ICAM2: variants seen among roughly 807,000 people sequenced by gnomAD.
ICAM2 encodes intercellular adhesion molecule 2, also known as ICAM-2.
A neutral mutation model predicts 19.1 loss-of-function variants in ICAM2; 14 were observed. The ratio of observed to expected loss-of-function variants is 0.73; its 90% CI spans 0.48 to 1.15. The LOEUF is 1.15. ICAM2 is among the 50% of genes most tolerant of loss of function. ICAM2 has a pLI of 0.00. For synonymous variants in ICAM2, 153 were observed against 152.7 expected (o/e 1.00, Z -0.01); for missense variants, 311 against 355.4 (o/e 0.88, Z 1.00).
intron 1 of ICAM2, among the ~76,000 whole-genome samples, chr17:64,018,333 C>CAAAAAA (rs376250303): frequency 3.8e-5 from 2 of 52,718 alleles, no homozygotes; most frequent in Admixed American, 3.1e-4. Flanking sequence ...GACTCTATCT[C>CAAAAAA]AAAAAAAAAA....
chr17:64,014,111 G>A (rs1369446761), intron 1 of ICAM2, among the ~76,000 whole-genome samples: 2 of 151,990 alleles, frequency 1.3e-5, no homozygotes, highest in Non-Finnish European at 2.9e-5. Context: ...AAAATATCAT[G>A]TTAAAATTTC....
At chr17:64,017,431 T>C (rs1423165904) in intron 1 of ICAM2, among the ~76,000 whole-genome samples, 1 of 152,188 alleles carries the variant, frequency 6.6e-6, no homozygotes. Context: ...TATAATACTT[T>C]ATTGAAAAAT....
chr17:64,016,241 T>A (rs1266989426), intron 1 of ICAM2, among the ~76,000 whole-genome samples: 1 of 152,168 alleles, frequency 6.6e-6, no homozygotes, highest in Non-Finnish European at 1.5e-5. Context: ...TATCTCAGGT[T>A]TGCAAGGATG....
At chr17:64,016,523 G>A (rs1911722230) in intron 1 of ICAM2, among the ~76,000 whole-genome samples, 1 of 152,198 alleles carries the variant, frequency 6.6e-6, no homozygotes, top group Admixed American at 6.6e-5. Context: ...CAGAAGTGTG[G>A]GAGAGTTAAG....
intron 1 of ICAM2, among the ~76,000 whole-genome samples, chr17:64,009,243 G>C (rs1911344670): frequency 6.6e-6 from 1 of 151,946 alleles, no homozygotes; most frequent in Non-Finnish European, 1.5e-5. Flanking sequence ...GAATGAGAGA[G>C]TTTGTCCTAA....
intron 1 of ICAM2, among the ~76,000 whole-genome samples, chr17:64,009,952 C>G (rs1911381692): frequency 6.6e-6 from 1 of 152,130 alleles, no homozygotes; most frequent in Non-Finnish European, 1.5e-5. Context: ...CCTGAAGGAC[C>G]CCAAGAGGAG....
Position 64,002,615 on chromosome 17 carries a change from C to T in ICAM2, c.*132G>A, listed in dbSNP as rs900729441. The T allele has an allele frequency of 2.7e-5, 21 of 781,094 alleles. No individual in the cohort carries two copies. Among genetic ancestry groups the T allele is most frequent in the South Asian group, 1.0e-4 (6 of 57,540 alleles). The allele number at this position is 781,094 out of a possible 1,614,324, so 48.4% of individuals were successfully genotyped here. A position where few individuals can be genotyped will look rare whatever the true frequency, so the allele number is the denominator to read the frequency against. On this transcript the variant is annotated 3_prime_UTR_variant, in exon 5 of 5. Coordinates refer to ENST00000579788, the MANE Select transcript of ICAM2 (RefSeq NM_001099789.2). ...AGGGCTAAGTCCAGGTGTTTGTATT[C>T]GGGCTAGAAAAGGCAATGTCCCAAG... is the stretch of plus-strand genomic sequence containing the variant.
At position 64,014,410 on chromosome 17, in the gene ICAM2, A is replaced by G. The variant is rs1221318865; in HGVS notation, c.-45+6113T>C. Among the ~76,000 whole-genome samples the G allele has an allele frequency of 3.7e-4, 42 of 113,786 alleles. 1 individual carries two copies. In the East Asian group the frequency reaches 9.3e-3, roughly 25 times the overall value. The allele number at this position is 113,786 out of a possible 152,430, so 74.6% of individuals were successfully genotyped here. On this transcript the variant is annotated intron_variant, in intron 1 of 4. Coordinates refer to ENST00000579788, the MANE Select transcript of ICAM2 (RefSeq NM_001099789.2). ...AAGGAAGGAAGGAAGGAAGGAAGAG[A>G]AAGAGAAAGAAAGGAAGGAAGGAAG... is the stretch of plus-strand genomic sequence containing the variant.
chr17:64,019,408 A>AATAC (rs1312967407), intron 1 of ICAM2, among the ~76,000 whole-genome samples: 3 of 151,760 alleles, frequency 2.0e-5, no homozygotes, highest in Non-Finnish European at 4.4e-5. Context: ...TAAATAAATA[A>AATAC]ATAAATAAAT....
intron 1 of ICAM2, among the ~76,000 whole-genome samples, chr17:64,010,253 G>A (rs751781418): frequency 6.6e-6 from 1 of 152,220 alleles, no homozygotes; most frequent in Non-Finnish European, 1.5e-5. Context: ...GGAATAAGAG[G>A]AAACTGACCA....
chr17:64,013,211 C>A (rs1911524441), intron 1 of ICAM2, among the ~76,000 whole-genome samples: 1 of 152,134 alleles, frequency 6.6e-6, no homozygotes, highest in South Asian at 2.1e-4. Flanking sequence ...ACTCAGGAGG[C>A]TGAGGCATGA....
At chr17:64,014,742 A>G (rs9896567) in intron 1 of ICAM2, among the ~76,000 whole-genome samples, 1 of 106,512 alleles carries the variant, frequency 9.4e-6, no homozygotes, top group African/African-American at 3.6e-5. Flanking sequence ...AGAAAGAAAG[A>G]AAGAAAGAAA....
rs138493560 is a variant in ICAM2, at chr17:64,011,922, T to A, written c.-44-5187A>T. Among the ~76,000 whole-genome samples, 311 of 152,188 alleles carry A rather than the reference T, an allele frequency of 2.0e-3. 1 individual carries two copies. The highest frequency in any genetic ancestry group is 6.9e-3 in the African/African-American group (286 of 41,522). Reference sequence around the variant, plus strand: ...TAGCAATCCCACTACTGGGTATATATCCAAATGAAATGAAACCAGCATGTC... The same window carrying A: ...TAGCAATCCCACTACTGGGTATATAACCAAATGAAATGAAACCAGCATGTC... On this transcript the variant is annotated intron_variant, in intron 1 of 4. Coordinates refer to ENST00000579788, the MANE Select transcript of ICAM2 (RefSeq NM_001099789.2).
intron 1 of ICAM2, among the ~76,000 whole-genome samples, chr17:64,015,719 A>G (rs1469577392): frequency 6.6e-6 from 1 of 152,198 alleles, no homozygotes; most frequent in Non-Finnish European, 1.5e-5. Context: ...TAGCCTAGGT[A>G]ACAAAGTGAG....
intron 4 of ICAM2, 197 bp from the exon 5 acceptor site, chr17:64,003,122 A>G: frequency 1.8e-6 from 1 of 570,920 alleles, no homozygotes. Flanking sequence ...AAGGTGGCCC[A>G]GGGCTCAGGC....
chr17:64,018,333 CA>C (rs376250303), intron 1 of ICAM2, among the ~76,000 whole-genome samples: 123 of 52,724 alleles, frequency 2.3e-3, no homozygotes, highest in African/African-American at 0.011. Context: ...GACTCTATCT[CA>C]AAAAAAAAAA....
intron 1 of ICAM2, among the ~76,000 whole-genome samples, chr17:64,011,941 G>A (rs746227391): frequency 5.9e-5 from 9 of 152,142 alleles, no homozygotes; most frequent in Non-Finnish European, 1.3e-4. Flanking sequence ...AATGAAACCA[G>A]CATGTCAAAG....
rs990056305 is a variant in ICAM2, at chr17:64,018,821, G to A, written c.-45+1702C>T. Among the ~76,000 whole-genome samples the A allele has an allele frequency of 7.5e-5, 11 of 146,178 alleles. No homozygotes were observed. The East Asian group carries it at 1.8e-3, about 24-fold the overall frequency. On this transcript the variant is annotated intron_variant, in intron 1 of 4. Coordinates refer to ENST00000579788, the MANE Select transcript of ICAM2 (RefSeq NM_001099789.2). The stretch of plus-strand genomic sequence containing the variant: ...ACTGCAACCTCCACCTCCCGGGTTC[G>A]AGCTATTCTCCTGCCTCAGTCTCCC...
chr17:64,006,881 G>A, intron 1 of ICAM2, 146 bp from the exon 2 acceptor site: 1 of 603,452 alleles, frequency 1.7e-6, no homozygotes, highest in South Asian at 2.0e-5. Context: ...AGGCCTCTAA[G>A]AATCCAGGCA....
Sources: allele counts gnomAD v4.1 joint callset (sites outside exome capture counted in the v4.1 genomes callset), GRCh38; gene constraint gnomAD v4.1.1; transcripts MANE v1.5; gene names NCBI Gene and HGNC (gene_info 2026-07-23, HGNC 2026-07-21).